The following TSGA10 variants were observed in gnomAD, a reference collection of about 807,000 sequenced individuals.
TSGA10 encodes testis-specific gene 10 protein.
Under a neutral mutation model 96.6 loss-of-function variants are expected in TSGA10, and 43 were observed. That is an observed-to-expected ratio of 0.44 (90% CI 0.35 to 0.57). TSGA10 has a LOEUF of 0.57. Among genes scored for constraint, TSGA10 ranks in the 20% least tolerant of loss-of-function variants. The pLI is 0.01. For synonymous variants in TSGA10, 229 were observed against 269.9 expected (o/e 0.85, Z 1.48); for missense variants, 703 against 834.4 (o/e 0.84, Z 1.94).
intron 15 of TSGA10, among the ~76,000 whole-genome samples, chr2:99,068,350 T>C (rs1007160796): frequency 6.6e-6 from 1 of 152,176 alleles, no homozygotes; most frequent in Non-Finnish European, 1.5e-5. Flanking sequence ...AATAGACATA[T>C]CTAAAATCCT....
intron 11 of TSGA10, among the ~76,000 whole-genome samples, chr2:99,079,334 C>A (rs1175792298): frequency 6.6e-6 from 1 of 152,094 alleles, no homozygotes; most frequent in Non-Finnish European, 1.5e-5. Flanking sequence ...AAAAAATCAT[C>A]CCAGGAAGTA....
chr2:98,999,173 G>T (rs1013014241), intron 20 of TSGA10, among the ~76,000 whole-genome samples: 2 of 152,046 alleles, frequency 1.3e-5, no homozygotes, highest in East Asian at 1.9e-4. Flanking sequence ...TGGGATTATA[G>T]TCAGGAGCCA....
intron 1 of TSGA10, chr2:99,148,318 A>C (rs1219427953): frequency 2.0e-5 from 3 of 152,222 alleles, no homozygotes; most frequent in Non-Finnish European, 4.4e-5. Context: ...TCCTTTGATG[A>C]GGAAGAAAAA....
rs1457603109 is a variant in TSGA10 at position 99,018,643 on chromosome 2, G to A, written c.1818-3C>T. ...CCACATCTCTACTCTGGATGGCCCT[G>A]TTTAAAAGAAGATAAGAGTTATAGT... On this transcript the variant is annotated splice_region_variant and splice_polypyrimidine_tract_variant and intron_variant, in intron 18 of 20. Transcript: ENST00000393483. 1 of 1,606,726 alleles carries A rather than the reference G, an allele frequency of 6.2e-7. No individual in the cohort carries two copies. Among genetic ancestry groups the A allele is most frequent in the Admixed American group, 1.7e-5 (1 of 58,126 alleles).
At chr2:99,147,893 C>T (rs1484958660) in intron 1 of TSGA10, among the ~76,000 whole-genome samples, 1 of 152,154 alleles carries the variant, frequency 6.6e-6, no homozygotes, top group Non-Finnish European at 1.5e-5. Flanking sequence ...AGAACAAGGA[C>T]ATTGACTTAT....
At chr2:99,138,435 C>T (rs2093410726) in intron 1 of TSGA10, among the ~76,000 whole-genome samples, 1 of 152,144 alleles carries the variant, frequency 6.6e-6, no homozygotes, top group South Asian at 2.1e-4. Context: ...TGTTTTATCC[C>T]TAATGCCTTA....
At chr2:98,998,978 C>T (rs866996341) in intron 20 of TSGA10, among the ~76,000 whole-genome samples, 1 of 152,140 alleles carries the variant, frequency 6.6e-6, no homozygotes, top group African/African-American at 2.4e-5. Context: ...CTTACTGCAA[C>T]CTCTGCCCCC....
rs985311885 is a variant in TSGA10 at position 99,135,771 on chromosome 2, G to A, written c.-620-8595C>T. Among the ~76,000 whole-genome samples the A allele has an allele frequency of 4.7e-4, 72 of 152,300 alleles. 1 individual carries two copies. The highest frequency in any genetic ancestry group is 1.7e-3 in the African/African-American group (71 of 41,574). ...TGCCCATAATCCCAGCACTTTGGGA[G>A]GCTGAGGCGGGCGGATCACCTGAGG... is the stretch of plus-strand genomic sequence containing the variant. On this transcript the variant is annotated intron_variant, in intron 1 of 20. Coordinates refer to ENST00000393483, the MANE Select transcript of TSGA10 (RefSeq NM_025244.4).
intron 4 of TSGA10, among the ~76,000 whole-genome samples, chr2:99,113,919 C>T (rs1267236456): frequency 6.6e-6 from 1 of 152,124 alleles, no homozygotes; most frequent in African/African-American, 2.4e-5. Flanking sequence ...GAATTCCCAA[C>T]CCAAGAACCT....
chr2:99,126,783 A>G (rs775272856), intron 2 of TSGA10: 7 of 180,854 alleles, frequency 3.9e-5, no homozygotes, highest in Admixed American at 6.2e-5. Context: ...ATAAATGGAA[A>G]CGGCATCACT....
intron 10 of TSGA10, among the ~76,000 whole-genome samples, chr2:99,099,289 G>C (rs1209752063): frequency 2.0e-5 from 3 of 152,228 alleles, no homozygotes; most frequent in East Asian, 3.9e-4. Context: ...TCCAGCCTGG[G>C]CAACAAGAGT....
At chr2:99,081,585 C>A (rs984886154) in intron 10 of TSGA10, among the ~76,000 whole-genome samples, 188 bp from the exon 11 acceptor site, 1 of 152,106 alleles carries the variant, frequency 6.6e-6, no homozygotes, top group Non-Finnish European at 1.5e-5. Flanking sequence ...GATCTTCAAT[C>A]CACCACTCCA....
chr2:99,120,051 T>C (rs2092489911), intron 2 of TSGA10, among the ~76,000 whole-genome samples: 1 of 152,170 alleles, frequency 6.6e-6, no homozygotes, highest in South Asian at 2.1e-4. Flanking sequence ...TATATAAGTT[T>C]ATCTCAATAT....
At chr2:99,116,267 A>G (rs1394646462) in intron 4 of TSGA10, among the ~76,000 whole-genome samples, 3 of 152,248 alleles carry the variant, frequency 2.0e-5, no homozygotes, top group Non-Finnish European at 4.4e-5. Context: ...TATCTTGCTT[A>G]TCAGCCATTA....
chr2:99,129,133 T>A (rs760905163), intron 1 of TSGA10, among the ~76,000 whole-genome samples: 1 of 152,228 alleles, frequency 6.6e-6, no homozygotes, highest in African/African-American at 2.4e-5. Flanking sequence ...TAAGACATTT[T>A]TAAGGCTCAG....
At chr2:99,108,698 A>G in intron 7 of TSGA10, 135 bp downstream of exon 7, 1 of 602,398 alleles carries the variant, frequency 1.7e-6, no homozygotes, top group Non-Finnish European at 2.6e-6. Flanking sequence ...AGAATATCTT[A>G]AAAACATATG....
At chr2:99,140,878 G>T (rs953294877) in intron 1 of TSGA10, among the ~76,000 whole-genome samples, 7 of 152,068 alleles carry the variant, frequency 4.6e-5, no homozygotes, top group Non-Finnish European at 1.0e-4. Context: ...AACCTCCCAA[G>T]AAACAGGGGC....
At chr2:99,110,301 C>T (rs2091685984) in intron 5 of TSGA10, among the ~76,000 whole-genome samples, 1 of 152,180 alleles carries the variant, frequency 6.6e-6, no homozygotes, top group Non-Finnish European at 1.5e-5. Flanking sequence ...AATTTGCATT[C>T]ACTTTCATAT....
rs770476980 is a variant in TSGA10 at position 99,078,644 on chromosome 2, G to T, written c.882+15C>A. 7 of 1,601,038 alleles carry T rather than the reference G, an allele frequency of 4.4e-6. No individual in the cohort carries two copies. The Admixed American group carries it at 1.2e-4, about 28-fold the overall frequency. The stretch of plus-strand genomic sequence containing the variant: ...ATTTAAACGTTTCTTATAAACCACA[G>T]TTCTCAGAACATACTTTCATTGCCA... On this transcript the variant is annotated intron_variant, in intron 12 of 20. Coordinates refer to ENST00000393483, the MANE Select transcript of TSGA10 (RefSeq NM_025244.4).
Sources: gnomAD v4.1 joint callset for allele counts (sites outside exome capture counted in the v4.1 genomes callset) on GRCh38, gnomAD v4.1.1 for gene constraint, MANE v1.5 for transcripts, NCBI Gene and HGNC (gene_info 2026-07-23, HGNC 2026-07-21) for gene names.